The following LTA4H variants were observed in gnomAD, a reference collection of about 807,000 sequenced individuals.
LTA4H encodes leukotriene A4 hydrolase.
In LTA4H, 59 loss-of-function variants were observed where a neutral mutation model predicts 89.8. That is an observed-to-expected ratio of 0.66 (90% confidence interval 0.53 to 0.82). The LOEUF (loss-of-function observed/expected upper bound fraction) is 0.82, where lower values mean the gene tolerates loss of function less well. Among genes scored for constraint, LTA4H ranks in the 40% least tolerant of loss-of-function variants. LTA4H has a pLI of 0.00. For missense variants in LTA4H, 617 were observed against 727.0 expected, an observed-to-expected ratio of 0.85 and a Z score of 1.74; for synonymous variants, 227 against 253.1, an observed-to-expected ratio of 0.90 and a Z score of 0.98.
In LTA4H at chr12:96,014,905, T is replaced by A; in HGVS notation, c.1154A>T (p.Glu385Val). Residue 385 changes from glutamate to valine, a missense_variant, in exon 12 of 19, where the codon GAG becomes GTG. Physicochemically the swap from Glu to Val is moderately radical, Grantham distance 121. Coordinates refer to ENST00000228740, the MANE Select transcript of LTA4H (RefSeq NM_000895.3). ...GTAAAAAAGTAAAGCAAAGCCCTTC[T>A]CATAGGGAACTGAAGAATAAGCTAC... is the stretch of plus-strand genomic sequence containing the variant. Reference protein sequence around the residue: ...PDVAYSSVPYEKGFALLFYLE... With the variant: ...PDVAYSSVPYVKGFALLFYLE... The A allele has an allele frequency of 6.2e-7, 1 of 1,613,812 alleles. No homozygotes were observed. Among genetic ancestry groups the A allele is most frequent in the Non-Finnish European group, 8.5e-7 (1 of 1,179,856 alleles).
In LTA4H at chr12:96,001,918, C is replaced by T. The variant is rs1017154585; in HGVS notation, c.1719-812G>A. 2.0e-5 allele frequency among the ~76,000 whole-genome samples: 3 copies of T among 151,710 alleles called. No individual in the cohort carries two copies. The South Asian group carries it at 6.2e-4, about 31-fold the overall frequency. ...GGCTGGAGGAGCTGGAGAGCAATGGCGCAATCTCAGCTCACTGCAACCTCT... is the reference window on the plus strand; with the variant it reads ...GGCTGGAGGAGCTGGAGAGCAATGGTGCAATCTCAGCTCACTGCAACCTCT... On this transcript the variant is annotated intron_variant, in intron 18 of 18. Coordinates refer to ENST00000228740, the MANE Select transcript of LTA4H (RefSeq NM_000895.3).
chr12:96,029,252 T>A lies in LTA4H; in HGVS notation c.160-67A>T, dbSNP rs1191405320. 4.5e-5 allele frequency: 40 copies of A among 882,966 alleles called. No homozygotes were observed. In the South Asian group the frequency reaches 7.2e-4, roughly 16 times the overall value. 54.7% of individuals were successfully genotyped at this position (882,966 alleles called of 1,614,324 possible). A position where few individuals can be genotyped will look rare whatever the true frequency, so the allele number is the denominator to read the frequency against. ...TACCAGAAAAAACTCATATTAGATA[T>A]AGGCTACAACAACTAGTTGCTTATG... is the stretch of plus-strand genomic sequence containing the variant. On this transcript the variant is annotated intron_variant, in intron 1 of 18. Transcript: ENST00000228740.
intron 15 of LTA4H, among the ~76,000 whole-genome samples, chr12:96,007,296 T>C (rs1183416737): frequency 3.9e-5 from 6 of 152,194 alleles, no homozygotes; most frequent in Non-Finnish European, 8.8e-5. Context: ...AACTTACAGC[T>C]CCAGCTCATT....
intron 1 of LTA4H, among the ~76,000 whole-genome samples, chr12:96,034,452 T>C (rs1041589831): frequency 1.3e-4 from 20 of 152,182 alleles, no homozygotes; most frequent in African/African-American, 4.1e-4. Flanking sequence ...TTCATTCCAA[T>C]GGTTATAGAG....
At chr12:96,018,006 G>C (rs1950401959) in intron 8 of LTA4H, among the ~76,000 whole-genome samples, 1 of 152,010 alleles carries the variant, frequency 6.6e-6, no homozygotes, top group South Asian at 2.1e-4. Context: ...TTGGTTCTAA[G>C]AAGAATTTAA....
intron 1 of LTA4H, among the ~76,000 whole-genome samples, chr12:96,041,976 GT>G (rs869199958): frequency 3.2e-5 from 4 of 125,032 alleles, no homozygotes; most frequent in Admixed American, 7.9e-5. Flanking sequence ...GTTTCTTTTT[GT>G]TTTTTTTTCT....
intron 14 of LTA4H, chr12:96,012,646 G>A (rs528432579): frequency 6.5e-6 from 1 of 152,810 alleles, no homozygotes; most frequent in East Asian, 1.9e-4. Context: ...GGAAGGCAGA[G>A]GGTGCAGTGA....
Position 96,022,252 on chromosome 12 carries a change from C to A in LTA4H, c.481-1G>T. On this transcript the variant is annotated splice_acceptor_variant, in intron 4 of 18. Coordinates refer to ENST00000228740, the MANE Select transcript of LTA4H (RefSeq NM_000895.3). LOFTEE classifies it high-confidence loss of function. This position sits in a 1 kb window ranked among gnomAD's most constrained non-coding sequence, Gnocchi z 4.0. ...CCACCAGTTCTTTAGGGACAGACAC[C>A]TAATCAAGGAGAAAAATCATTTCTA... 1 of 1,589,508 alleles carries A rather than the reference C, an allele frequency of 6.3e-7. No individual in the cohort carries two copies. Among genetic ancestry groups the A allele is most frequent in the South Asian group, 1.1e-5 (1 of 89,908 alleles).
chr12:96,019,031 G>GA, intron 7 of LTA4H, 128 bp from the exon 8 acceptor site: 1 of 1,177,336 alleles, frequency 8.5e-7, no homozygotes, highest in Non-Finnish European at 1.2e-6. Context: ...ATGATAAAAA[G>GA]AATGTAGCAA....
In LTA4H at chr12:96,006,410, C is replaced by A. The variant is rs757400632; in HGVS notation, c.1435-1G>T. Reference sequence around the variant, plus strand: ...ATGAATTTAAATCATCTTCTTTGGCCTGAAATAAATGTTACCTAGTTATTT... The same window carrying A: ...ATGAATTTAAATCATCTTCTTTGGCATGAAATAAATGTTACCTAGTTATTT... On this transcript the variant is annotated splice_acceptor_variant, in intron 15 of 18. Coordinates refer to ENST00000228740, the MANE Select transcript of LTA4H (RefSeq NM_000895.3). LOFTEE classifies it high-confidence loss of function. 1.9e-6 allele frequency: 3 copies of A among 1,585,326 alleles called. No homozygotes were observed. The highest frequency in any genetic ancestry group is 1.3e-5 in the African/African-American group (1 of 74,344).
exon 1 of LTA4H, chr12:96,043,458 T>C (rs1950704414): frequency 1.1e-6 from 1 of 877,004 alleles, no homozygotes; most frequent in African/African-American, 1.7e-5. Context: ...TCTTCCCTTG[T>C]TGCTTTAAAA....
intron 6 of LTA4H, 108 bp downstream of exon 6, chr12:96,020,977 T>C: frequency 1.2e-6 from 1 of 816,024 alleles, no homozygotes; most frequent in Non-Finnish European, 2.0e-6. Context: ...GCTGTCAGCT[T>C]GATATCTTGA....
chr12:96,028,978 G>A (rs1566016291), intron 2 of LTA4H, 77 bp downstream of exon 2: 2 of 1,260,504 alleles, frequency 1.6e-6, no homozygotes, highest in Non-Finnish European at 2.1e-6. Flanking sequence ...AATTTAAAAA[G>A]AAAAAATATT....
intron 3 of LTA4H, among the ~76,000 whole-genome samples, chr12:96,026,203 G>C (rs984027745): frequency 6.6e-6 from 1 of 152,156 alleles, no homozygotes; most frequent in Non-Finnish European, 1.5e-5. Flanking sequence ...CTAGTTAGGT[G>C]ACATGGCAAC....
chr12:96,036,097 A>AG (rs1566020238), upstream of LTA4H, among the ~76,000 whole-genome samples: 1 of 150,242 alleles, frequency 6.7e-6, no homozygotes, highest in African/African-American at 2.4e-5. Context: ...GGGGAGGCAC[A>AG]GTAATTGTTT....
upstream of LTA4H, among the ~76,000 whole-genome samples, chr12:96,037,880 CG>C (rs1451157970): frequency 2.0e-5 from 3 of 152,012 alleles, no homozygotes; most frequent in East Asian, 5.8e-4. Context: ...TTAGCAGAGA[CG>C]GGGTTTCACC....
At chr12:96,018,180 AC>A (rs1335103242) in intron 8 of LTA4H, among the ~76,000 whole-genome samples, 1 of 151,864 alleles carries the variant, frequency 6.6e-6, no homozygotes, top group African/African-American at 2.4e-5. Flanking sequence ...GTTACACAGC[AC>A]CCCCATGCCC....
chr12:96,021,849 G>A (rs762622048), intron 5 of LTA4H, among the ~76,000 whole-genome samples: 11 of 152,166 alleles, frequency 7.2e-5, no homozygotes, highest in Admixed American at 3.3e-4. Context: ...ACCAGGGCAG[G>A]TGAATGCGTA....
upstream of LTA4H, among the ~76,000 whole-genome samples, chr12:96,035,942 A>T (rs576819527): frequency 3.3e-5 from 5 of 152,244 alleles, no homozygotes; most frequent in South Asian, 1.0e-3. Context: ...AATCAGGTTC[A>T]TTGGTGTTTG....
Sources: allele counts gnomAD v4.1 joint callset (sites outside exome capture counted in the v4.1 genomes callset), GRCh38; gene constraint gnomAD v4.1.1; non-coding constraint Gnocchi (gnomAD v3.1); transcripts MANE v1.5; gene names NCBI Gene and HGNC (gene_info 2026-07-23, HGNC 2026-07-21).